Variants in CAP2 observed in about 807,000 individuals in gnomAD.
CAP2 encodes the protein cyclase associated actin cytoskeleton regulatory protein 2, also known as adenylyl cyclase-associated protein 2.
CAP2 carries 24 observed loss-of-function variants against 57.7 expected under a neutral mutation model. The observed-to-expected ratio is 0.42, with a 90% CI of 0.30 to 0.58. The LOEUF (loss-of-function observed/expected upper bound fraction) is 0.58, where lower values mean the gene tolerates loss of function less well. CAP2 is among the 20% of genes least tolerant of loss of function. The pLI, the probability that CAP2 is intolerant of heterozygous loss-of-function variation, is 0.22. For synonymous variants in CAP2, 194 were observed against 207.2 expected, an observed-to-expected ratio of 0.94 and a Z score of 0.55; for missense variants, 501 against 590.3, an observed-to-expected ratio of 0.85 and a Z score of 1.57.
rs143721358 is a variant in CAP2, at chr6:17,475,912, A to G, written c.300+12839A>G. 2.0e-4 allele frequency among the ~76,000 whole-genome samples: 30 copies of G among 152,362 alleles called. No homozygotes were observed. In the East Asian group the frequency reaches 5.2e-3, roughly 26 times the overall value. ...CTGTCTCTGTGCAGATGGAATCTCT[A>G]TATAGAATAATGACCAACACATCAC... On this transcript the variant is annotated intron_variant, in intron 4 of 12. Transcript: ENST00000229922.
At position 17,463,086 on chromosome 6, in the gene CAP2, C is replaced by T. The variant is rs555940327; in HGVS notation, c.300+13C>T. On this transcript the variant is annotated intron_variant, in intron 4 of 12. Transcript: ENST00000229922. ...ACAACCCCACGAGGTAAGAGAGTGTCCTGAGAGGGAAGGTGTCCCAGGGTA... is the reference window on the plus strand; with the variant it reads ...ACAACCCCACGAGGTAAGAGAGTGTTCTGAGAGGGAAGGTGTCCCAGGGTA... The T allele has an allele frequency of 1.3e-5, 21 of 1,592,950 alleles. No homozygotes were observed. In the South Asian group the frequency reaches 2.2e-4, roughly 17 times the overall value.
chr6:17,453,374 T>C (rs1021412834), intron 3 of CAP2, among the ~76,000 whole-genome samples: 4 of 152,224 alleles, frequency 2.6e-5, no homozygotes, highest in African/African-American at 7.2e-5. Flanking sequence ...ATGATTGGTA[T>C]CACTTGGAAC....
At chr6:17,399,346 A>G (rs755263679) in intron 1 of CAP2, among the ~76,000 whole-genome samples, 3 of 152,132 alleles carry the variant, frequency 2.0e-5, no homozygotes, top group Non-Finnish European at 4.4e-5. Flanking sequence ...TATAGGGATG[A>G]GCCACCACGC....
intron 7 of CAP2, among the ~76,000 whole-genome samples, chr6:17,536,913 CAT>C (rs1762786631): frequency 6.6e-6 from 1 of 152,172 alleles, no homozygotes; most frequent in Non-Finnish European, 1.5e-5. Flanking sequence ...ATCCCAGTAA[CAT>C]AGAAAACATT....
At chr6:17,539,170 C>A in intron 7 of CAP2, 99 bp from the exon 8 acceptor site, 1 of 1,112,502 alleles carries the variant, frequency 9.0e-7, no homozygotes, top group Non-Finnish European at 1.3e-6. Flanking sequence ...GGCTTCAACC[C>A]CACTCTCTCA....
At chr6:17,394,839 TG>T (rs1450197547) in intron 1 of CAP2, among the ~76,000 whole-genome samples, 1 of 152,156 alleles carries the variant, frequency 6.6e-6, no homozygotes, top group Non-Finnish European at 1.5e-5. Context: ...AAAGCAAGGA[TG>T]GGTTGTTTGG....
chr6:17,400,400 GT>G (rs1297329410), intron 1 of CAP2, among the ~76,000 whole-genome samples: 3 of 152,204 alleles, frequency 2.0e-5, no homozygotes, highest in Non-Finnish European at 4.4e-5. Context: ...CCTATGTTGA[GT>G]GACTGCTATA....
rs1491462554 is a variant in CAP2, at chr6:17,474,184, T to TG, written c.300+11111_300+11112insG. ...TAATCAAGACAGAGGAAAAAAACAG[T>TG]CTTTTTTTTTTTTTTTTTTTTTTTT... On this transcript the variant is annotated intron_variant, in intron 4 of 12. Transcript: ENST00000229922. 5.6e-3 allele frequency among the ~76,000 whole-genome samples: 553 copies of TG among 99,366 alleles called. 7 individuals are homozygous for TG. Among genetic ancestry groups the TG allele is most frequent in the African/African-American group, 0.025 (524 of 20,926 alleles). The allele number at this position is 99,366 out of a possible 152,430, so 65.2% of individuals were successfully genotyped here.
chr6:17,524,871 A>G lies in CAP2; in HGVS notation c.636+10917A>G, dbSNP rs145742238. Among the ~76,000 whole-genome samples, 738 of 146,620 alleles carry G rather than the reference A, an allele frequency of 5.0e-3. 7 individuals carry two copies. Among genetic ancestry groups the G allele is most frequent in the African/African-American group, 0.017 (683 of 39,978 alleles). Reference sequence around the variant, plus strand: ...TAATAAGAATCTATAAATATTTTAGAGTATTTCTTTTCTTTTCTTTTCTTT... The same window carrying G: ...TAATAAGAATCTATAAATATTTTAGGGTATTTCTTTTCTTTTCTTTTCTTT... On this transcript the variant is annotated intron_variant, in intron 7 of 12. Transcript: ENST00000229922.
intron 6 of CAP2, among the ~76,000 whole-genome samples, chr6:17,511,022 C>T (rs1009981835): frequency 6.6e-6 from 1 of 152,138 alleles, no homozygotes; most frequent in Non-Finnish European, 1.5e-5. Context: ...CAGTATTTGC[C>T]CCTCAGTGTT....
In CAP2 at chr6:17,481,672, A is replaced by G. The variant is rs77971795; in HGVS notation, c.300+18599A>G. ...TGTTTCCTACAGTGGCAAAATGGATACATTTCTATGTGACACACTTTTCAT... is the reference window on the plus strand; with the variant it reads ...TGTTTCCTACAGTGGCAAAATGGATGCATTTCTATGTGACACACTTTTCAT... On this transcript the variant is annotated intron_variant, in intron 4 of 12. Coordinates refer to ENST00000229922, the MANE Select transcript of CAP2 (RefSeq NM_006366.3). 3.0e-3 allele frequency among the ~76,000 whole-genome samples: 455 copies of G among 152,336 alleles called. 2 individuals carry two copies. Among genetic ancestry groups the G allele is most frequent in the African/African-American group, 0.011 (437 of 41,570 alleles).
At chr6:17,410,878 T>A (rs1303620996) in intron 1 of CAP2, among the ~76,000 whole-genome samples, 1 of 152,222 alleles carries the variant, frequency 6.6e-6, no homozygotes, top group Admixed American at 6.5e-5. Context: ...GGTTTTTAAC[T>A]GTATCTTTAC....
chr6:17,401,402 TG>T (rs1438990600), intron 1 of CAP2, among the ~76,000 whole-genome samples: 16 of 152,256 alleles, frequency 1.1e-4, no homozygotes, highest in African/African-American at 3.6e-4. Context: ...TGTGGTGTTT[TG>T]TTACAGCAGC....
At chr6:17,438,149 C>CCT in intron 3 of CAP2, among the ~76,000 whole-genome samples, 1 of 147,050 alleles carries the variant, frequency 6.8e-6, no homozygotes, top group South Asian at 2.1e-4. Flanking sequence ...GGGCGGATCA[C>CCT]AAGGTCAGGA....
chr6:17,463,340 A>G (rs2113598300), intron 4 of CAP2, among the ~76,000 whole-genome samples: 1 of 152,010 alleles, frequency 6.6e-6, no homozygotes, highest in South Asian at 2.1e-4. Context: ...TCTTACTACT[A>G]ATATATCATT....
At chr6:17,429,877 C>T (rs1172643339) in intron 3 of CAP2, among the ~76,000 whole-genome samples, 1 of 152,178 alleles carries the variant, frequency 6.6e-6, no homozygotes, top group Admixed American at 6.5e-5. Context: ...CTCTCGCTTA[C>T]AGAACCATGT....
intron 4 of CAP2, among the ~76,000 whole-genome samples, chr6:17,495,518 C>T (rs1325697365): frequency 1.3e-5 from 2 of 152,126 alleles, no homozygotes; most frequent in East Asian, 1.9e-4. Context: ...TTATACACAC[C>T]GTTAGCCACA....
At chr6:17,539,239 A>G (rs1341281395) in intron 7 of CAP2, 30 bp from the exon 8 acceptor site, 3 of 1,579,736 alleles carry the variant, frequency 1.9e-6, no homozygotes, top group Non-Finnish European at 1.7e-6. Context: ...GTCTCAATGC[A>G]ATGCAATGCC....
In CAP2 at chr6:17,474,189, T is replaced by G. The variant is rs1481290338; in HGVS notation, c.300+11116T>G. 6.1e-4 allele frequency among the ~76,000 whole-genome samples: 79 copies of G among 128,730 alleles called. 1 individual carries two copies. Among genetic ancestry groups the G allele is most frequent in the African/African-American group, 2.6e-3 (73 of 28,474 alleles). 84.5% of individuals were successfully genotyped at this position (128,730 alleles called of 152,430 possible). The stretch of plus-strand genomic sequence containing the variant: ...AAGACAGAGGAAAAAAACAGTCTTT[T>G]TTTTTTTTTTTTTTTTTTTTTGTTC... On this transcript the variant is annotated intron_variant, in intron 4 of 12. Coordinates refer to ENST00000229922, the MANE Select transcript of CAP2 (RefSeq NM_006366.3).
Sources: gnomAD v4.1 joint callset for allele counts (sites outside exome capture counted in the v4.1 genomes callset) on GRCh38, gnomAD v4.1.1 for gene constraint, MANE v1.5 for transcripts, NCBI Gene and HGNC (gene_info 2026-07-23, HGNC 2026-07-21) for gene names.